The following SLC2A9 variants were observed in gnomAD, a reference collection of about 807,000 sequenced individuals.
SLC2A9 encodes solute carrier family 2 member 9, also known as solute carrier family 2, facilitated glucose transporter member 9.
SLC2A9 carries 39 observed loss-of-function variants against 50.6 expected under a neutral mutation model. That is an observed-to-expected ratio of 0.77 (90% CI 0.60 to 1.01). SLC2A9 has a LOEUF of 1.01. Ranked by LOEUF, SLC2A9 falls within the 50% of genes least tolerant of loss-of-function variation. The pLI is 0.00. For synonymous variants in SLC2A9, 324 were observed against 276.9 expected (o/e 1.17, Z -1.69); for missense variants, 686 against 677.6 (o/e 1.01, Z -0.14).
chr4:9,916,311 G>C (rs1003857678), intron 7 of SLC2A9, among the ~76,000 whole-genome samples: 1 of 152,276 alleles, frequency 6.6e-6, no homozygotes, highest in Admixed American at 6.5e-5. Flanking sequence ...GTCCACCGCC[G>C]GTGAGCACCC....
chr4:9,900,435 T>C (rs1739390838), intron 8 of SLC2A9, among the ~76,000 whole-genome samples: 2 of 151,996 alleles, frequency 1.3e-5, no homozygotes, highest in African/African-American at 4.8e-5. Flanking sequence ...AACTCAAAAA[T>C]AGAGCTACTT....
intron 3 of SLC2A9, among the ~76,000 whole-genome samples, chr4:9,788,826 C>A (rs566671621): frequency 6.6e-6 from 1 of 152,138 alleles, no homozygotes; most frequent in South Asian, 2.1e-4. Flanking sequence ...CTTTTCAACA[C>A]GAGATATGTC....
At chr4:10,022,515 T>A (rs1763573955), upstream of SLC2A9, among the ~76,000 whole-genome samples, 1 of 152,194 alleles carries the variant, frequency 6.6e-6, no homozygotes, top group Non-Finnish European at 1.5e-5. Context: ...GTTCATCACA[T>A]GGCCATGTTG....
chr4:9,997,355 T>C (rs1758861877), intron 2 of SLC2A9, among the ~76,000 whole-genome samples: 1 of 152,176 alleles, frequency 6.6e-6, no homozygotes, highest in Admixed American at 6.5e-5. Context: ...GCTTCATAGC[T>C]GGGCTTCTCC....
At chr4:9,956,003 G>A (rs1452871096) in intron 5 of SLC2A9, among the ~76,000 whole-genome samples, 5 of 149,102 alleles carry the variant, frequency 3.4e-5, no homozygotes, top group South Asian at 2.2e-4. Context: ...CCAGCCTCCC[G>A]AGTAGCTGGG....
intron 2 of SLC2A9, among the ~76,000 whole-genome samples, chr4:10,002,856 CA>C (rs11341140): frequency 0.86 from 130,460 of 151,900 alleles, 56,094 homozygotes; most frequent in East Asian, 0.98. Context: ...CCATCTAAAA[CA>C]AAAAAAAAGA....
intron 6 of SLC2A9, among the ~76,000 whole-genome samples, chr4:9,925,836 T>A (rs1473785681): frequency 6.6e-6 from 1 of 152,056 alleles, no homozygotes; most frequent in Non-Finnish European, 1.5e-5. Context: ...ATGCTAGATG[T>A]CAACCAAATT....
rs966557999 is a variant in SLC2A9 at position 9,880,565 on chromosome 4, C to T, written c.1291+7002G>A. 7 of 985,184 alleles carry T rather than the reference C, an allele frequency of 7.1e-6. No individual in the cohort carries two copies. In the African/African-American group the frequency reaches 1.2e-4, roughly 17 times the overall value. The allele number at this position is 985,184 out of a possible 1,614,324, so 61.0% of individuals were successfully genotyped here. On this transcript the variant is annotated intron_variant, in intron 10 of 11. Coordinates refer to ENST00000264784, the MANE Select transcript of SLC2A9 (RefSeq NM_020041.3). ...CTTAGGAAAAAAAAAACAGAGAAGG[C>T]TAAGCTTAGTGATTTTTGGTTAGCA...
chr4:9,887,122 C>T (rs983909816), intron 10 of SLC2A9, among the ~76,000 whole-genome samples: 3 of 152,210 alleles, frequency 2.0e-5, no homozygotes, highest in African/African-American at 7.2e-5. Context: ...CTGTCCTGAG[C>T]CTTAAATGAG....
At chr4:9,969,646 G>A (rs775325865) in intron 5 of SLC2A9, among the ~76,000 whole-genome samples, 5 of 152,192 alleles carry the variant, frequency 3.3e-5, no homozygotes, top group Admixed American at 3.3e-4. Context: ...TAGACTCACA[G>A]TTCCCCATGG....
chr4:9,862,890 T>C (rs1490299030), intron 10 of SLC2A9, among the ~76,000 whole-genome samples: 1 of 152,068 alleles, frequency 6.6e-6, no homozygotes, highest in Non-Finnish European at 1.5e-5. Context: ...CTCCTGTGCC[T>C]GGATCAACAT....
downstream of SLC2A9, among the ~76,000 whole-genome samples, chr4:9,823,471 A>G (rs1419752482): frequency 6.6e-6 from 1 of 151,474 alleles, no homozygotes; most frequent in Non-Finnish European, 1.5e-5. Flanking sequence ...ATTGAATATC[A>G]TATGAACATC....
In SLC2A9 at chr4:9,834,804, C is replaced by T; in HGVS notation, c.1419+77G>A. 1.9e-6 allele frequency: 3 copies of T among 1,601,522 alleles called. No homozygotes were observed. In the South Asian group the frequency reaches 3.3e-5, roughly 18 times the overall value. On this transcript the variant is annotated intron_variant, in intron 11 of 11. Transcript: ENST00000264784. ...CAGTTGAGAGGAGAGAGATCAACTT[C>T]TGCTCTATGAATCACCCCTCAAGTG... is the stretch of plus-strand genomic sequence containing the variant.
At chr4:9,789,872 C>T (rs1009361918) in intron 3 of SLC2A9, among the ~76,000 whole-genome samples, 7 of 152,192 alleles carry the variant, frequency 4.6e-5, no homozygotes, top group Admixed American at 1.3e-4. Flanking sequence ...TAAGACCATT[C>T]CTGTCCTGAA....
chr4:9,896,149 G>A (rs1397085043), intron 8 of SLC2A9, among the ~76,000 whole-genome samples: 2 of 152,206 alleles, frequency 1.3e-5, no homozygotes, highest in Non-Finnish European at 2.9e-5. Flanking sequence ...TGAGTTGGAT[G>A]GGTAAAACCT....
At chr4:10,021,141 CTG>C in intron 1 of SLC2A9, 137 bp downstream of exon 1, 2 of 880,674 alleles carry the variant, frequency 2.3e-6, no homozygotes, top group Non-Finnish European at 3.7e-6. Flanking sequence ...GCAACTCAAA[CTG>C]AGGCCTCCCT....
At chr4:9,912,299 A>T (rs1025388680) in intron 7 of SLC2A9, among the ~76,000 whole-genome samples, 15 of 152,128 alleles carry the variant, frequency 9.9e-5, no homozygotes, top group African/African-American at 3.1e-4. Flanking sequence ...ATAATAATAA[A>T]AAAAAAAGAA....
chr4:9,817,386 G>A (rs927951269), intron 3 of SLC2A9, among the ~76,000 whole-genome samples: 2 of 152,210 alleles, frequency 1.3e-5, no homozygotes, highest in African/African-American at 2.4e-5. Flanking sequence ...GTATGTGCCA[G>A]GTACTATGTT....
chr4:9,783,391 C>T, intron 3 of SLC2A9: 1 of 1,614,208 alleles, frequency 6.2e-7, no homozygotes, highest in Non-Finnish European at 8.5e-7. Context: ...CTGAGTCTGT[C>T]TGGGAGCTGG....
Sources: gnomAD v4.1 joint callset for allele counts (sites outside exome capture counted in the v4.1 genomes callset) on GRCh38, gnomAD v4.1.1 for gene constraint, MANE v1.5 for transcripts, NCBI Gene and HGNC (gene_info 2026-07-23, HGNC 2026-07-21) for gene names.